NCALD: variants seen among roughly 807,000 people sequenced by gnomAD.
The protein encoded by NCALD is neurocalcin delta, also known as neurocalcin-delta.
NCALD carries 10 observed loss-of-function variants against 18.6 expected under a neutral mutation model. The ratio of observed to expected loss-of-function variants is 0.54; its 90% confidence interval spans 0.33 to 0.91. The LOEUF is 0.91. Ranked by LOEUF, NCALD falls within the 40% of genes least tolerant of loss-of-function variation. The probability of loss-of-function intolerance (pLI) is 0.03; values close to 1 mark genes in which losing one functional copy is unlikely to be tolerated. For synonymous variants in NCALD, 88 were observed against 87.4 expected, an observed-to-expected ratio of 1.01 and a Z score of -0.04; for missense variants, 184 against 247.6, an observed-to-expected ratio of 0.74 and a Z score of 1.72.
At chr8:101,698,648 C>G (rs1486591758) in intron 2 of NCALD, among the ~76,000 whole-genome samples, 2 of 152,164 alleles carry the variant, frequency 1.3e-5, no homozygotes, top group Non-Finnish European at 2.9e-5. Flanking sequence ...ACCATCTGAT[C>G]TTTGACAAAC....
At chr8:101,787,220 T>C (rs542352184) in intron 1 of NCALD, among the ~76,000 whole-genome samples, 2 of 152,312 alleles carry the variant, frequency 1.3e-5, no homozygotes, top group East Asian at 3.9e-4. Flanking sequence ...CAGTACAGCC[T>C]GGAGTCAGAG....
In NCALD at chr8:101,860,392, T is replaced by G. The variant is rs889424311; in HGVS notation, c.-20+26749A>C. Among the ~76,000 whole-genome samples the G allele has an allele frequency of 2.6e-5, 4 of 152,150 alleles. No individual in the cohort carries two copies. In the East Asian group the frequency reaches 7.7e-4, roughly 29 times the overall value. Reference sequence around the variant, plus strand: ...TCTCAGAACAAAAGTATGTAGTAGGTTTAGAGAATAATCACTCCTGATTGA... The same window carrying G: ...TCTCAGAACAAAAGTATGTAGTAGGGTTAGAGAATAATCACTCCTGATTGA... On this transcript the variant is annotated intron_variant, in intron 4 of 6. Coordinates refer to the NCALD transcript ENST00000311028.
At chr8:102,010,657 C>A (rs184270018) in intron 2 of NCALD, among the ~76,000 whole-genome samples, 1 of 152,158 alleles carries the variant, frequency 6.6e-6, no homozygotes, top group African/African-American at 2.4e-5. Flanking sequence ...GGAGAGCTGT[C>A]GGCCTGTGGG....
chr8:102,093,024 T>TA (rs552023549), intron 1 of NCALD, among the ~76,000 whole-genome samples: 55 of 152,188 alleles, frequency 3.6e-4, no homozygotes, highest in African/African-American at 1.3e-3. Flanking sequence ...CAAAAGTCAC[T>TA]ATTTACACCT....
chr8:101,727,720 C>T (rs952590790), intron 1 of NCALD, among the ~76,000 whole-genome samples: 8 of 152,238 alleles, frequency 5.3e-5, no homozygotes, highest in Non-Finnish European at 1.0e-4. Context: ...TCTTCTCATG[C>T]ACTTAGAATA....
intron 4 of NCALD, among the ~76,000 whole-genome samples, chr8:101,820,041 T>C (rs1813658454): frequency 6.6e-6 from 1 of 152,254 alleles, no homozygotes; most frequent in Non-Finnish European, 1.5e-5. Flanking sequence ...TAGCCATAAG[T>C]ATTCTAACTG....
chr8:101,792,568 C>T (rs1183194200), upstream of NCALD, among the ~76,000 whole-genome samples: 1 of 152,330 alleles, frequency 6.6e-6, no homozygotes, highest in East Asian at 1.9e-4. Context: ...AATCCAATGT[C>T]TACCTAAAGC....
intron 1 of NCALD, among the ~76,000 whole-genome samples, chr8:102,065,256 C>CT (rs35518167): frequency 0.17 from 25,151 of 148,894 alleles, 2,459 homozygotes; most frequent in African/African-American, 0.26. Context: ...AGTGAAGGCT[C>CT]TTTTTTTTTT....
chr8:101,904,633 A>G (rs1255114204), intron 3 of NCALD, among the ~76,000 whole-genome samples: 1 of 152,070 alleles, frequency 6.6e-6, no homozygotes, highest in Non-Finnish European at 1.5e-5. Flanking sequence ...CCTTCCTTCT[A>G]TTTTATTACC....
chr8:102,007,827 C>A (rs1463393501), intron 2 of NCALD, among the ~76,000 whole-genome samples: 1 of 152,286 alleles, frequency 6.6e-6, no homozygotes, highest in South Asian at 2.1e-4. Context: ...GCAGGGCCAA[C>A]CAAACAGACT....
At chr8:101,764,465 T>C (rs1201148719) in intron 1 of NCALD, among the ~76,000 whole-genome samples, 2 of 152,172 alleles carry the variant, frequency 1.3e-5, no homozygotes, top group African/African-American at 4.8e-5. Flanking sequence ...CTGGTGACCT[T>C]GACAAGAAAA....
intron 1 of NCALD, among the ~76,000 whole-genome samples, chr8:102,024,408 G>A (rs1202928419): frequency 1.3e-5 from 2 of 152,134 alleles, no homozygotes; most frequent in African/African-American, 4.8e-5. Flanking sequence ...TCAAGCCCAG[G>A]AAACATGAAC....
At chr8:101,833,769 G>C (rs1297019752) in intron 4 of NCALD, among the ~76,000 whole-genome samples, 1 of 152,044 alleles carries the variant, frequency 6.6e-6, no homozygotes, top group African/African-American at 2.4e-5. Context: ...TGTAAAACTG[G>C]TGAAAATATG....
chr8:101,844,624 G>A (rs1168961094), intron 4 of NCALD, among the ~76,000 whole-genome samples: 1 of 151,952 alleles, frequency 6.6e-6, no homozygotes, highest in South Asian at 2.1e-4. Flanking sequence ...GCCTCCCAAC[G>A]TGCTGGGATT....
chr8:102,056,358 C>A (rs1823649799), intron 1 of NCALD, among the ~76,000 whole-genome samples: 1 of 152,206 alleles, frequency 6.6e-6, no homozygotes, highest in Non-Finnish European at 1.5e-5. Flanking sequence ...ATGAGGAAGT[C>A]ACCTGGCTTC....
At chr8:101,820,466 A>C (rs772997996) in intron 4 of NCALD, among the ~76,000 whole-genome samples, 7 of 152,328 alleles carry the variant, frequency 4.6e-5, no homozygotes, top group Non-Finnish European at 1.0e-4. Context: ...ATACATTTTG[A>C]GGGGAAAGAC....
In NCALD at chr8:101,806,879, C is replaced by T. The variant is rs186368079; in HGVS notation, c.-20+80262G>A. On this transcript the variant is annotated intron_variant, in intron 4 of 6. Coordinates refer to the NCALD transcript ENST00000311028. The stretch of plus-strand genomic sequence containing the variant: ...ATATCATAGTTAAAATGCTGAAAGA[C>T]AAAGACAAAAAAAAAAAATTGAAAG... 6.9e-3 allele frequency among the ~76,000 whole-genome samples: 1,016 copies of T among 146,340 alleles called. 14 individuals carry two copies. The highest frequency in any genetic ancestry group is 0.024 in the African/African-American group (966 of 39,674).
chr8:101,836,515 T>G (rs527732628), intron 4 of NCALD, among the ~76,000 whole-genome samples: 2 of 152,184 alleles, frequency 1.3e-5, no homozygotes, highest in African/African-American at 4.8e-5. Flanking sequence ...CCTTTGAGAT[T>G]TGACTGGAGT....
intron 1 of NCALD, among the ~76,000 whole-genome samples, chr8:101,756,054 TTAAG>T (rs1189946587): frequency 6.7e-6 from 1 of 149,976 alleles, no homozygotes; most frequent in Non-Finnish European, 1.5e-5. Context: ...CTGCCAGAGA[TTAAG>T]TTTTTGTCCA....
Sources: allele counts gnomAD v4.1 joint callset (sites outside exome capture counted in the v4.1 genomes callset), GRCh38; gene constraint gnomAD v4.1.1; transcripts MANE v1.5; gene names NCBI Gene and HGNC (gene_info 2026-07-23, HGNC 2026-07-21).